The following TSHR variants were observed in gnomAD, a reference collection of about 807,000 sequenced individuals.
TSHR encodes the protein thyroid stimulating hormone receptor.
A neutral mutation model predicts 64.1 loss-of-function variants in TSHR; 51 were observed. That is an observed-to-expected ratio of 0.80 (90% CI 0.64 to 1.01). The LOEUF (loss-of-function observed/expected upper bound fraction) is 1.01. Ranked by LOEUF, TSHR falls within the 50% of genes least tolerant of loss-of-function variation. The probability of loss-of-function intolerance (pLI) is 0.00; values close to 1 mark genes in which losing one functional copy is unlikely to be tolerated. For synonymous variants in TSHR, 361 were observed against 361.9 expected, an observed-to-expected ratio of 1.00 and a Z score of 0.03; for missense variants, 877 against 942.8, an observed-to-expected ratio of 0.93 and a Z score of 0.91.
chr14:81,049,018 A>T (rs1369024784), intron 1 of TSHR, among the ~76,000 whole-genome samples: 1 of 152,220 alleles, frequency 6.6e-6, no homozygotes, highest in East Asian at 1.9e-4. Context: ...TATATCCATT[A>T]TCCTATGATA....
rs1890096481 is a variant in TSHR at position 81,108,936 on chromosome 14, CA to C, written c.692+485del. ...AGATGGAATAAAAACATTTTTTAAA[CA>C]GCATGAAAACATACCTATTTGTGCA... On this transcript the variant is annotated intron_variant, in intron 8 of 9. Transcript: ENST00000298171. 103 of 1,376,868 alleles carry C rather than the reference CA, an allele frequency of 7.5e-5. No individual in the cohort carries two copies. The South Asian group carries it at 1.5e-3, about 20-fold the overall frequency. The allele number at this position is 1,376,868 out of a possible 1,614,324, so 85.3% of individuals were successfully genotyped here. A position where few individuals can be genotyped will look rare whatever the true frequency, so the allele number is the denominator to read the frequency against.
At chr14:81,114,962 T>C (rs1331379795) in intron 8 of TSHR, among the ~76,000 whole-genome samples, 1 of 152,128 alleles carries the variant, frequency 6.6e-6, no homozygotes, top group Non-Finnish European at 1.5e-5. Flanking sequence ...GACCTGCAGC[T>C]GAGGGTCCTG....
In TSHR at chr14:81,096,672, A is replaced by G. The variant is rs1167525928; in HGVS notation, c.579A>G (p.Gln193=). The G allele has an allele frequency of 6.2e-7, 1 of 1,613,874 alleles. No individual in the cohort carries two copies. Among genetic ancestry groups the G allele is most frequent in the East Asian group, 2.2e-5 (1 of 44,870 alleles). Residue 193 remains glutamine, a synonymous_variant, in exon 7 of 10, where the codon CAA becomes CAG. Coordinates refer to ENST00000298171, the MANE Select transcript of TSHR (RefSeq NM_000369.5). ...KLYNNGFTSV[Q]GYAFNGTKLD... ...ACAACAATGGCTTTACTTCAGTCCA[A>G]GGATATGCTTTCAATGGGACAAAGC... is the stretch of plus-strand genomic sequence containing the variant.
intron 9 of TSHR, among the ~76,000 whole-genome samples, chr14:81,141,600 T>C (rs1023849631): frequency 6.6e-6 from 1 of 152,264 alleles, no homozygotes; most frequent in East Asian, 1.9e-4. Context: ...TACTGTCTAA[T>C]GGAGGAAGTC....
chr14:81,049,016 T>C (rs991606798), intron 1 of TSHR, among the ~76,000 whole-genome samples: 1 of 152,222 alleles, frequency 6.6e-6, no homozygotes, highest in African/African-American at 2.4e-5. Flanking sequence ...TTTATATCCA[T>C]TATCCTATGA....
At chr14:80,982,675 A>C in intron 1 of TSHR, 1 of 1,074,382 alleles carries the variant, frequency 9.3e-7, no homozygotes, top group African/African-American at 1.6e-5. Flanking sequence ...CTGTAACTCC[A>C]GCAGTATTCG....
At chr14:81,031,458 G>GA (rs1483856973) in intron 1 of TSHR, among the ~76,000 whole-genome samples, 2 of 152,006 alleles carry the variant, frequency 1.3e-5, no homozygotes, top group Admixed American at 6.6e-5. Context: ...TTAATATTTA[G>GA]AAAAAAACAT....
intron 1 of TSHR, among the ~76,000 whole-genome samples, chr14:81,038,941 A>C (rs1215248475): frequency 6.6e-6 from 1 of 151,858 alleles, no homozygotes; most frequent in Non-Finnish European, 1.5e-5. Context: ...TGATGGCTTC[A>C]TTGCTGAATT....
chr14:81,141,444 A>C (rs1891683183), intron 9 of TSHR, among the ~76,000 whole-genome samples: 1 of 152,276 alleles, frequency 6.6e-6, no homozygotes, highest in Non-Finnish European at 1.5e-5. Context: ...TCTGGTGAGC[A>C]AGGAAAAAAC....
chr14:81,001,459 C>G (rs1203114461), intron 1 of TSHR: 3 of 498,394 alleles, frequency 6.0e-6, no homozygotes, highest in East Asian at 5.4e-5. Flanking sequence ...TGGGTATGCT[C>G]AATGACCTGA....
At chr14:81,050,028 G>A (rs549290708) in intron 1 of TSHR, 1 of 152,230 alleles carries the variant, frequency 6.6e-6, no homozygotes, top group South Asian at 2.1e-4. Flanking sequence ...AATATTGAAG[G>A]AGCACTATAA....
chr14:81,017,985 A>T (rs2139791724), intron 1 of TSHR, among the ~76,000 whole-genome samples: 1 of 152,028 alleles, frequency 6.6e-6, no homozygotes, highest in East Asian at 1.9e-4. Flanking sequence ...ACCTACCACC[A>T]CACCTGGCCA....
At chr14:81,032,967 A>G (rs1488779617) in intron 1 of TSHR, 1 of 353,510 alleles carries the variant, frequency 2.8e-6, no homozygotes, top group Non-Finnish European at 5.5e-6. Context: ...TAGAGCCAAA[A>G]ACAAAAGGTG....
At chr14:81,092,857 A>G (rs1474742595) in intron 6 of TSHR, among the ~76,000 whole-genome samples, 1 of 152,238 alleles carries the variant, frequency 6.6e-6, no homozygotes, top group African/African-American at 2.4e-5. Flanking sequence ...GTGAAGAACC[A>G]GTTAGGCATT....
intron 3 of TSHR, among the ~76,000 whole-genome samples, chr14:81,081,037 C>A (rs1050966911): frequency 6.6e-6 from 1 of 152,052 alleles, no homozygotes; most frequent in Non-Finnish European, 1.5e-5. Flanking sequence ...CTAAGCCAGG[C>A]GCAGAGGCAC....
intron 1 of TSHR, among the ~76,000 whole-genome samples, chr14:80,961,236 T>G (rs566747881): frequency 1.8e-4 from 27 of 152,252 alleles, no homozygotes; most frequent in African/African-American, 5.5e-4. Context: ...TGTGTCACAC[T>G]CTGGACTTAA....
intron 1 of TSHR, among the ~76,000 whole-genome samples, chr14:80,956,496 A>G (rs1886696509): frequency 6.6e-6 from 1 of 152,246 alleles, no homozygotes; most frequent in African/African-American, 2.4e-5. Flanking sequence ...GTTAAATGTT[A>G]CCAGATTAGA....
At chr14:81,001,153 G>A in intron 1 of TSHR, 1 of 171,444 alleles carries the variant, frequency 5.8e-6, no homozygotes, top group Non-Finnish European at 1.2e-5. Flanking sequence ...TTTATTTTAT[G>A]CTGAATTTAT....
intron 8 of TSHR, among the ~76,000 whole-genome samples, chr14:81,124,881 T>C (rs2140073079): frequency 6.6e-6 from 1 of 152,302 alleles, no homozygotes; most frequent in Non-Finnish European, 1.5e-5. Context: ...GATTTTTGTT[T>C]TTTTATTATT....
Sources: gnomAD v4.1 joint callset for allele counts (sites outside exome capture counted in the v4.1 genomes callset) on GRCh38, gnomAD v4.1.1 for gene constraint, MANE v1.5 for transcripts, NCBI Gene and HGNC (gene_info 2026-07-23, HGNC 2026-07-21) for gene names.